The following TUBD1 variants were observed in gnomAD, a reference collection of about 807,000 sequenced individuals.
The protein encoded by TUBD1 is tubulin delta 1.
In TUBD1, 38 loss-of-function variants were observed where a neutral mutation model predicts 51.2. The ratio of observed to expected loss-of-function variants is 0.74; its 90% CI spans 0.57 to 0.97. The LOEUF (loss-of-function observed/expected upper bound fraction) is 0.97. Among genes scored for constraint, TUBD1 ranks in the 50% least tolerant of loss-of-function variants. The pLI is 0.00. For synonymous variants in TUBD1, 169 were observed against 178.2 expected (o/e 0.95, Z 0.41); for missense variants, 489 against 538.4 (o/e 0.91, Z 0.91).
At chr17:59,863,469 T>C (rs1194647044) in intron 8 of TUBD1, among the ~76,000 whole-genome samples, 195 bp downstream of exon 8, 4 of 151,528 alleles carry the variant, frequency 2.6e-5, no homozygotes, top group African/African-American at 9.7e-5. Flanking sequence ...ATTAGCTGGG[T>C]GTGGTGGTAG....
At chr17:59,886,463 A>G in intron 2 of TUBD1, 1 of 432,588 alleles carries the variant, frequency 2.3e-6, no homozygotes, top group Non-Finnish European at 4.1e-6. Context: ...TGTGGGCCTA[A>G]AAGAGTACCT....
At chr17:59,871,623 AC>A (rs2039986232) in intron 6 of TUBD1, among the ~76,000 whole-genome samples, 1 of 152,144 alleles carries the variant, frequency 6.6e-6, no homozygotes, top group African/African-American at 2.4e-5. Context: ...TCTAGGAGGT[AC>A]AGATATAAAT....
chr17:59,889,668 C>CAA (rs1195587619), intron 2 of TUBD1, among the ~76,000 whole-genome samples: 543 of 54,070 alleles, frequency 0.01, 6 homozygotes, highest in African/African-American at 0.036. Flanking sequence ...GACTCTGTCT[C>CAA]AAAAAAAAAA....
At chr17:59,884,405 G>C (rs1265259258) in intron 3 of TUBD1, among the ~76,000 whole-genome samples, 2 of 152,092 alleles carry the variant, frequency 1.3e-5, no homozygotes, top group African/African-American at 2.4e-5. Context: ...CTGAGGTCAA[G>C]AGTTCCAGAC....
intron 6 of TUBD1, among the ~76,000 whole-genome samples, chr17:59,870,189 C>T (rs1206727185): frequency 6.6e-6 from 1 of 151,556 alleles, no homozygotes; most frequent in Non-Finnish European, 1.5e-5. Context: ...GATACAACCC[C>T]ATCTCTACTA....
chr17:59,860,877 ACG>A, intron 8 of TUBD1, among the ~76,000 whole-genome samples: 2 of 151,812 alleles, frequency 1.3e-5, no homozygotes, highest in African/African-American at 2.4e-5. Flanking sequence ...GTGAGCCACC[ACG>A]CCCAGCCTGA....
In TUBD1 at chr17:59,874,638, G is replaced by A; in HGVS notation, c.835C>T (p.His279Tyr). 1 of 1,613,804 alleles carries A rather than the reference G, an allele frequency of 6.2e-7. No individual in the cohort carries two copies. The highest frequency in any genetic ancestry group is 8.5e-7 in the Non-Finnish European group (1 of 1,179,932). The change falls in exon 6 of 9, where the codon CAC (histidine) becomes TAC (tyrosine). Residue 279 changes from histidine to tyrosine, a missense_variant. By Grantham distance (83) the His-to-Tyr change is moderately conservative (BLOSUM62 2). Transcript: ENST00000325752. ...FKMLSVRNIP[H>Y]MSENSLAYTT... ...TATGCCAATGAATTCTCAGACATGTGAGGAATGTTACGAACACTCAGCATC... is the reference window on the plus strand; with the variant it reads ...TATGCCAATGAATTCTCAGACATGTAAGGAATGTTACGAACACTCAGCATC...
At position 59,881,092 on chromosome 17, in the gene TUBD1, G is replaced by T; in HGVS notation, c.339C>A (p.Pro113=). 6.2e-7 allele frequency: 1 copy of T among 1,613,928 alleles called. No homozygotes were observed. The highest frequency in any genetic ancestry group is 8.5e-7 in the Non-Finnish European group (1 of 1,179,872). ...NWAYGYSVHG[P]RHEESIMNII... is the part of the protein sequence containing the mutation. ...TGTTCATTATAGATTCTTCATGCCTGGGTCCATGAACAGAGTAACTATGCA... is the reference window on the plus strand; with the variant it reads ...TGTTCATTATAGATTCTTCATGCCTTGGTCCATGAACAGAGTAACTATGCA... The change falls in exon 4 of 9, where the codon CCC becomes CCA. Residue 113 remains proline (P), a synonymous_variant. Coordinates refer to ENST00000325752, the MANE Select transcript of TUBD1 (RefSeq NM_016261.4).
chr17:59,874,381 AG>A (rs2040132928), intron 6 of TUBD1, among the ~76,000 whole-genome samples, 157 bp downstream of exon 6: 1 of 152,130 alleles, frequency 6.6e-6, no homozygotes, highest in Non-Finnish European at 1.5e-5. Flanking sequence ...GAAGTGATTA[AG>A]AAACCCTCCT....
intron 3 of TUBD1, among the ~76,000 whole-genome samples, chr17:59,883,301 T>C (rs2144550835): frequency 6.6e-6 from 1 of 151,198 alleles, no homozygotes; most frequent in South Asian, 2.1e-4. Context: ...TGGAGTTTTG[T>C]TCTTGTTGCC....
intron 8 of TUBD1, among the ~76,000 whole-genome samples, chr17:59,862,665 A>T (rs1303357786): frequency 6.9e-6 from 1 of 144,594 alleles, no homozygotes; most frequent in Non-Finnish European, 1.5e-5. Flanking sequence ...TCAGCCTCCC[A>T]AGTAGCTGGG....
chr17:59,875,236 C>T (rs1465067823), intron 5 of TUBD1, among the ~76,000 whole-genome samples: 2 of 151,180 alleles, frequency 1.3e-5, no homozygotes, highest in African/African-American at 4.9e-5. Flanking sequence ...ACCACCAAGC[C>T]CAGCTAACTT....
Position 59,878,177 on chromosome 17 carries a change from G to C in TUBD1, c.695C>G (p.Ala232Gly), listed in dbSNP as rs774842626. The C allele has an allele frequency of 2.1e-5, 34 of 1,614,012 alleles. No homozygotes were observed. Among genetic ancestry groups the C allele is most frequent in the Non-Finnish European group, 2.8e-5 (33 of 1,180,038 alleles). The change falls in exon 5 of 9, where the codon GCA (alanine) becomes GGA (glycine). Residue 232 changes from alanine to glycine, a missense_variant. Coordinates refer to ENST00000325752, the MANE Select transcript of TUBD1 (RefSeq NM_016261.4). ...CTGGAACACACTTCCCAGCTGATGT[G>C]CGAGGACTTGATTGATATCACTAAA... ...ISFSDINQVL[A>G]HQLGSVFQPT...
At chr17:59,878,407 C>G in intron 4 of TUBD1, 73 bp from the exon 5 acceptor site, 2 of 1,104,720 alleles carry the variant, frequency 1.8e-6, no homozygotes, top group Non-Finnish European at 2.7e-6. Flanking sequence ...CTCAAGGCAT[C>G]CTGGCAGGGT....
chr17:59,864,482 C>T (rs762814857), intron 7 of TUBD1, among the ~76,000 whole-genome samples: 5 of 151,866 alleles, frequency 3.3e-5, no homozygotes, highest in African/African-American at 4.8e-5. Flanking sequence ...ATCATTTATT[C>T]GAAAATAATA....
At chr17:59,874,854 CAGAG>C in intron 5 of TUBD1, 151 bp from the exon 6 acceptor site, 1 of 631,316 alleles carries the variant, frequency 1.6e-6, no homozygotes, top group Non-Finnish European at 2.6e-6. Context: ...AATACAATTT[CAGAG>C]ACAATGTCTA....
chr17:59,871,962 T>G (rs2040000455), intron 6 of TUBD1, among the ~76,000 whole-genome samples: 1 of 149,728 alleles, frequency 6.7e-6, no homozygotes, highest in Non-Finnish European at 1.5e-5. Flanking sequence ...TGCCCAGCAT[T>G]TTTTTTTTTG....
At chr17:59,866,380 G>A (rs151104990) in intron 7 of TUBD1, among the ~76,000 whole-genome samples, 7 of 151,872 alleles carry the variant, frequency 4.6e-5, no homozygotes, top group Admixed American at 6.6e-5. Flanking sequence ...GACTACATGC[G>A]TGTGCTACCA....
rs559622333 is a variant in TUBD1, at chr17:59,887,791, C to T, written c.173-1561G>A. 2.8e-4 allele frequency among the ~76,000 whole-genome samples: 42 copies of T among 152,100 alleles called. No individual in the cohort carries two copies. In the South Asian group the frequency reaches 8.3e-3, roughly 30 times the overall value. ...TTCAGGTGTGTGCCATTACACCTAA[C>T]TAATTTTTATTGTTTTTTTTTCTAG... On this transcript the variant is annotated intron_variant, in intron 2 of 8. Transcript: ENST00000325752.
Sources: gnomAD v4.1 joint callset for allele counts (sites outside exome capture counted in the v4.1 genomes callset) on GRCh38, gnomAD v4.1.1 for gene constraint, MANE v1.5 for transcripts, NCBI Gene and HGNC (gene_info 2026-07-23, HGNC 2026-07-21) for gene names.